The following MTUS1 variants were observed in gnomAD, a reference collection of about 807,000 sequenced individuals.
MTUS1 encodes the protein microtubule-associated tumor suppressor 1.
A neutral mutation model predicts 120.8 loss-of-function variants in MTUS1; 109 were observed. The ratio of observed to expected loss-of-function variants is 0.90; its 90% CI spans 0.77 to 1.06. The LOEUF (loss-of-function observed/expected upper bound fraction) is 1.06. MTUS1 is among the 50% of genes least tolerant of loss of function. The pLI, the probability that MTUS1 is intolerant of heterozygous loss-of-function variation, is 0.00. For synonymous variants in MTUS1, 737 were observed against 550.5 expected (o/e 1.34, Z -4.74); for missense variants, 2,210 against 1,486.3 (o/e 1.49, Z -8.01).
Position 17,755,476 on chromosome 8 carries a change from G to A in MTUS1, c.332C>T (p.Thr111Ile), listed in dbSNP as rs987203803. The A allele has an allele frequency of 1.2e-6, 2 of 1,614,072 alleles. No individual in the cohort carries two copies. Among genetic ancestry groups the A allele is most frequent in the Non-Finnish European group, 1.7e-6 (2 of 1,180,026 alleles). Residue 111 changes from threonine to isoleucine, a missense_variant, in exon 2 of 15, where the codon ACT becomes ATT. Thr to Ile is a moderately conservative substitution (Grantham distance 89). Transcript: ENST00000693296. ...GTGTTGCAGATATTTGGGCTTCTCA[G>A]TACCTACAAGTGCAGGACACTGACA... ...SICQCPALVG[T>I]EKPKYLQHSC...
intron 3 of MTUS1, 64 bp from the exon 4 acceptor site, chr8:17,723,897 A>T (rs1337583646): frequency 1.1e-5 from 16 of 1,404,794 alleles, no homozygotes; most frequent in Non-Finnish European, 1.5e-5. Flanking sequence ...GCACTTTTTA[A>T]GCCTGTAAAC....
intron 3 of MTUS1, among the ~76,000 whole-genome samples, chr8:17,736,326 G>A (rs945787973): frequency 1.3e-5 from 2 of 152,102 alleles, no homozygotes; most frequent in Middle Eastern, 3.2e-3. Flanking sequence ...GACCTCCTCC[G>A]CCCATCCATG....
intron 1 of MTUS1, among the ~76,000 whole-genome samples, chr8:17,790,604 A>G (rs1263647601): frequency 6.6e-6 from 1 of 152,224 alleles, no homozygotes; most frequent in Non-Finnish European, 1.5e-5. Flanking sequence ...TACAACATTT[A>G]ACATTCGGCT....
chr8:17,681,375 T>C (rs1324407477), intron 7 of MTUS1, among the ~76,000 whole-genome samples: 3 of 152,176 alleles, frequency 2.0e-5, no homozygotes, highest in African/African-American at 4.8e-5. Context: ...ACGTGAACAA[T>C]GGATGACGTA....
chr8:17,736,797 C>A (rs1433595056), intron 3 of MTUS1, among the ~76,000 whole-genome samples: 2 of 152,102 alleles, frequency 1.3e-5, no homozygotes, highest in Non-Finnish European at 2.9e-5. Context: ...CTTGGCCAGG[C>A]TGGTCTCGAA....
intron 2 of MTUS1, among the ~76,000 whole-genome samples, chr8:17,748,997 A>T (rs2047981727): frequency 6.6e-6 from 1 of 152,214 alleles, no homozygotes; most frequent in African/African-American, 2.4e-5. Flanking sequence ...AATGTAAAGC[A>T]AAAATAAAAT....
chr8:17,767,188 TAAAAAAAAA>T (rs34726378), intron 1 of MTUS1, among the ~76,000 whole-genome samples: 67 of 105,300 alleles, frequency 6.4e-4, no homozygotes, highest in Non-Finnish European at 8.5e-4. Flanking sequence ...ATCCTCAGGG[TAAAAAAAAA>T]AAAAAAAAAA....
At chr8:17,705,259 C>T (rs1374478750) in intron 6 of MTUS1, among the ~76,000 whole-genome samples, 1 of 152,222 alleles carries the variant, frequency 6.6e-6, no homozygotes, top group Non-Finnish European at 1.5e-5. Context: ...GTTGGGATTA[C>T]AGGCGTGAGC....
intron 1 of MTUS1, among the ~76,000 whole-genome samples, chr8:17,795,617 G>A (rs2052161090): frequency 6.6e-6 from 1 of 151,908 alleles, no homozygotes; most frequent in Admixed American, 6.6e-5. Context: ...TTTTATTTAT[G>A]TAGCTAATGT....
chr8:17,697,366 AGAC>A (rs1410863047), intron 6 of MTUS1: 1 of 1,614,090 alleles, frequency 6.2e-7, no homozygotes, highest in South Asian at 1.1e-5. Context: ...AGAATTTGGG[AGAC>A]AACAACATGT....
chr8:17,646,843 C>T, intron 14 of MTUS1, 139 bp downstream of exon 14: 4 of 643,442 alleles, frequency 6.2e-6, no homozygotes, highest in Non-Finnish European at 1.1e-5. Flanking sequence ...TCATATTTTC[C>T]ACAGAGAAAT....
intron 4 of MTUS1, chr8:17,722,206 C>T (rs1049023802): frequency 2.9e-6 from 3 of 1,022,810 alleles, no homozygotes; most frequent in Non-Finnish European, 3.5e-6. Context: ...TCCTTAGGAG[C>T]ATCAGACACA....
chr8:17,676,503 C>T, intron 7 of MTUS1: 2 of 595,338 alleles, frequency 3.4e-6, no homozygotes, highest in Non-Finnish European at 6.0e-6. Flanking sequence ...GCCTCGGATT[C>T]CTCACTCACA....
intron 6 of MTUS1, among the ~76,000 whole-genome samples, chr8:17,699,812 C>A (rs1301203222): frequency 6.6e-6 from 1 of 152,216 alleles, no homozygotes; most frequent in African/African-American, 2.4e-5. Flanking sequence ...CCATCGCTTA[C>A]AATCTACTGC....
At chr8:17,721,956 A>G in intron 4 of MTUS1, 1 of 1,554,170 alleles carries the variant, frequency 6.4e-7, no homozygotes, top group Non-Finnish European at 8.7e-7. Context: ...GTTCACTCTC[A>G]TATCCCTCAT....
chr8:17,664,755 G>T (rs1304743530), intron 8 of MTUS1, among the ~76,000 whole-genome samples: 1 of 152,052 alleles, frequency 6.6e-6, no homozygotes, highest in Non-Finnish European at 1.5e-5. Context: ...GAGGAAATCC[G>T]ATCCTGACAC....
rs1815282906 is a variant in MTUS1, at chr8:17,684,348, T to C, written c.2818A>G (p.Ile940Val). Residue 940 changes from isoleucine to valine, a missense_variant, in exon 7 of 15, where the codon ATT becomes GTT. Physicochemically the swap from Ile to Val is conservative, Grantham distance 29. Coordinates refer to ENST00000693296, the MANE Select transcript of MTUS1 (RefSeq NM_001363059.2). ...CTTACCTCAGACAGCAGGTGCTGAA[T>C]CACAACTGTCAATGCCTCAAACTTG... ...NTKFEALTVV[I>V]QHLLSEREEA... 3 of 1,614,090 alleles carry C rather than the reference T, an allele frequency of 1.9e-6. No homozygotes were observed. In the East Asian group the frequency reaches 6.7e-5, roughly 36 times the overall value.
intron 1 of MTUS1, among the ~76,000 whole-genome samples, chr8:17,790,321 C>T (rs1156624821): frequency 6.7e-6 from 1 of 149,762 alleles, no homozygotes; most frequent in Non-Finnish European, 1.5e-5. Context: ...GCACTCCAGC[C>T]TGGGTGACAG....
At chr8:17,785,948 C>T (rs1239360016) in intron 1 of MTUS1, among the ~76,000 whole-genome samples, 1 of 152,140 alleles carries the variant, frequency 6.6e-6, no homozygotes, top group Non-Finnish European at 1.5e-5. Flanking sequence ...TCAAGACCAG[C>T]CCGGGCGACA....
Sources: gnomAD v4.1 joint callset for allele counts (sites outside exome capture counted in the v4.1 genomes callset) on GRCh38, gnomAD v4.1.1 for gene constraint, MANE v1.5 for transcripts, NCBI Gene and HGNC (gene_info 2026-07-23, HGNC 2026-07-21) for gene names.